Variants in NOMO3 observed in about 807,000 individuals in gnomAD.
The protein encoded by NOMO3 is BOS complex subunit NOMO3.
NOMO3 carries 15 observed loss-of-function variants against 69.9 expected under a neutral mutation model. That is an observed-to-expected ratio of 0.21 (90% CI 0.14 to 0.33). NOMO3 has a LOEUF of 0.33. NOMO3 is among the 10% of genes least tolerant of loss of function. The probability of loss-of-function intolerance (pLI) is 1.00; values close to 1 mark genes in which losing one functional copy is unlikely to be tolerated. For missense variants in NOMO3, 218 were observed against 761.0 expected, an observed-to-expected ratio of 0.29 and a Z score of 8.39; for synonymous variants, 89 against 301.9, an observed-to-expected ratio of 0.29 and a Z score of 7.31.
chr16:16,255,684 G>C lies in NOMO3; in HGVS notation c.964-36G>C, dbSNP rs780433330. Reference sequence around the variant, plus strand: ...GAGGCTTTGTGGCTCTGGCACAGGAGCACCTTCGAGCACCTTCTTGTTCTT... The same window carrying C: ...GAGGCTTTGTGGCTCTGGCACAGGACCACCTTCGAGCACCTTCTTGTTCTT... On this transcript the variant is annotated intron_variant, in intron 9 of 30. Coordinates refer to ENST00000399336, the MANE Select transcript of NOMO3 (RefSeq NM_001004067.4). 2.5e-5 allele frequency: 40 copies of C among 1,592,204 alleles called. 2 individuals are homozygous for C. Among genetic ancestry groups the C allele is most frequent in the Non-Finnish European group, 3.1e-5 (37 of 1,177,506 alleles).
intron 3 of NOMO3, among the ~76,000 whole-genome samples, chr16:16,241,431 T>C (rs1279371753): frequency 7.1e-6 from 1 of 141,440 alleles, no homozygotes; most frequent in Non-Finnish European, 1.5e-5. Flanking sequence ...TTTTTTCTTT[T>C]TTTTGAGACT....
At chr16:16,254,476 GA>G (rs1300531168) in intron 9 of NOMO3, among the ~76,000 whole-genome samples, 4 of 135,872 alleles carry the variant, frequency 2.9e-5, no homozygotes, top group South Asian at 2.3e-4. Context: ...ACCATTTGCT[GA>G]AAAAAAAAAT....
chr16:16,236,892 C>A lies in NOMO3; in HGVS notation c.166-9C>A. The stretch of plus-strand genomic sequence containing the variant: ...GTTATGATTTCTGTTTTCCTTCCTT[C>A]CTTTCCAGATAAAGCTGTACACCAA... On this transcript the variant is annotated splice_polypyrimidine_tract_variant and intron_variant, in intron 1 of 30. Transcript: ENST00000399336. 1 of 1,480,268 alleles carries A rather than the reference C, an allele frequency of 6.8e-7. No individual in the cohort carries two copies. The highest frequency in any genetic ancestry group is 1.7e-5 in the African/African-American group (1 of 59,870). The allele number at this position is 1,480,268 out of a possible 1,614,324, so 91.7% of individuals were successfully genotyped here.
chr16:16,263,550 G>A lies in NOMO3; in HGVS notation c.1575G>A (p.Leu525=), dbSNP rs1297980289. 8.9e-7 allele frequency: 1 copy of A among 1,122,460 alleles called. No individual in the cohort carries two copies. The highest frequency in any genetic ancestry group is 1.2e-6 in the Non-Finnish European group (1 of 829,994). The allele number at this position is 1,122,460 out of a possible 1,614,324, so 69.5% of individuals were successfully genotyped here. The change falls in exon 14 of 31, where the codon CTG becomes CTA. Residue 525 remains leucine (L), a synonymous_variant. Coordinates refer to ENST00000399336, the MANE Select transcript of NOMO3 (RefSeq NM_001004067.4). The part of the protein sequence containing the change: ...CGDLLVTLQS[L]SRQGEKRSLQ... Reference sequence around the variant, plus strand: ...ACTTGCTGGTGACTCTACAGTCCCTGAGCCGCCAGGGTGAGAAGCGGAGCC... The same window carrying A: ...ACTTGCTGGTGACTCTACAGTCCCTAAGCCGCCAGGGTGAGAAGCGGAGCC...
Position 16,252,085 on chromosome 16 carries a change from T to C in NOMO3, c.858T>C (p.Ser286=). Residue 286 remains serine, a synonymous_variant, in exon 8 of 31, where the codon AGT becomes AGC. Transcript: ENST00000399336. ...CGTTCTCTTTCTATTCCTTGCCAAG[T>C]GGGGGCTACACTGTGGTGAGTGAAG... ...DGSFSFYSLP[S]GGYTVIPFYR... is the part of the protein sequence containing the mutation. 6.9e-7 allele frequency: 1 copy of C among 1,447,948 alleles called. No individual in the cohort carries two copies. The highest frequency in any genetic ancestry group is 9.3e-7 in the Non-Finnish European group (1 of 1,076,480). 89.7% of individuals were successfully genotyped at this position (1,447,948 alleles called of 1,614,324 possible).
At position 16,232,573 on chromosome 16, in the gene NOMO3, C is replaced by G. The variant is rs963084407; in HGVS notation, c.-94C>G. On this transcript the variant is annotated 5_prime_UTR_variant, in exon 1 of 31. Transcript: ENST00000399336. Reference sequence around the variant, plus strand: ...GGCGGTGGGGCGGGGCCTGGGCTGTCAGCCGGCCTAGGAGGAGGAAGGAGC... The same window carrying G: ...GGCGGTGGGGCGGGGCCTGGGCTGTGAGCCGGCCTAGGAGGAGGAAGGAGC... 6.7e-5 allele frequency: 76 copies of G among 1,132,040 alleles called. No homozygotes were observed. In the African/African-American group the frequency reaches 1.2e-3, roughly 18 times the overall value. 70.1% of individuals were successfully genotyped at this position (1,132,040 alleles called of 1,614,324 possible).
intron 1 of NOMO3, among the ~76,000 whole-genome samples, chr16:16,234,575 A>G (rs1001163702): frequency 4.3e-5 from 6 of 140,576 alleles, no homozygotes; most frequent in Admixed American, 4.2e-4. Flanking sequence ...CAATCATGAT[A>G]TTTCACGGTT....
At chr16:16,266,388 T>C (rs2049619430) in intron 15 of NOMO3, among the ~76,000 whole-genome samples, 1 of 91,530 alleles carries the variant, frequency 1.1e-5, no homozygotes. Context: ...AATAAGATCC[T>C]TTTTTTTTTT....
intron 16 of NOMO3, among the ~76,000 whole-genome samples, chr16:16,268,446 G>A (rs144089129): frequency 0.032 from 4,506 of 142,926 alleles, 244 homozygotes; most frequent in African/African-American, 0.052. Context: ...ATGTGAAGTC[G>A]TGTCTCATTG....
At chr16:16,236,236 A>G (rs1414679156) in intron 1 of NOMO3, among the ~76,000 whole-genome samples, 1 of 145,146 alleles carries the variant, frequency 6.9e-6, no homozygotes, top group East Asian at 2.3e-4. Flanking sequence ...TTTGCAATTT[A>G]TTTTACTTTA....
At chr16:16,264,713 A>C (rs528300706) in intron 14 of NOMO3, among the ~76,000 whole-genome samples, 1,731 of 138,908 alleles carry the variant, frequency 0.012, 11 homozygotes, top group Non-Finnish European at 0.018. Flanking sequence ...ATGCCTGGAT[A>C]ACTTTTGTAT....
chr16:16,244,379 GTC>G (rs1466274955), intron 4 of NOMO3, among the ~76,000 whole-genome samples: 1 of 124,194 alleles, frequency 8.1e-6, no homozygotes, highest in African/African-American at 3.7e-5. Flanking sequence ...CAGTAGCGCA[GTC>G]TCTCTCACCA....
intron 6 of NOMO3, among the ~76,000 whole-genome samples, chr16:16,249,729 T>A (rs2049447190): frequency 6.9e-6 from 1 of 143,922 alleles, no homozygotes; most frequent in South Asian, 2.3e-4. Flanking sequence ...AAGTAAAGCA[T>A]GTTGTTAGAA....
At position 16,258,060 on chromosome 16, in the gene NOMO3, C is replaced by T. The variant is rs2049530427; in HGVS notation, c.1220+1902C>T. Among the ~76,000 whole-genome samples the T allele has an allele frequency of 1.4e-5, 2 of 141,818 alleles. 1 individual carries two copies. The highest frequency in any genetic ancestry group is 1.4e-4 in the Admixed American group (2 of 14,588). 93.0% of individuals were successfully genotyped at this position (141,818 alleles called of 152,430 possible). On this transcript the variant is annotated intron_variant, in intron 11 of 30. Coordinates refer to ENST00000399336, the MANE Select transcript of NOMO3 (RefSeq NM_001004067.4). ...GGCTTAATGCCTCACACCTGTAATCCATCCCAGCACTTTGGGAGGCAGAGG... is the reference window on the plus strand; with the variant it reads ...GGCTTAATGCCTCACACCTGTAATCTATCCCAGCACTTTGGGAGGCAGAGG...
rs1234341875 is a variant in NOMO3, at chr16:16,232,693, G to T, written c.27G>T (p.Pro9=). 4.7e-6 allele frequency: 4 copies of T among 842,618 alleles called. No homozygotes were observed. The highest frequency in any genetic ancestry group is 3.8e-5 in the East Asian group (1 of 26,648). The allele number at this position is 842,618 out of a possible 1,614,324, so 52.2% of individuals were successfully genotyped here. A position where few individuals can be genotyped will look rare whatever the true frequency, so the allele number is the denominator to read the frequency against. MLVGQGAG[P]LGPAVVTAAV... is the part of the protein sequence containing the mutation. ...TGCTGGTGGGCCAGGGCGCGGGGCC[G>T]CTGGGGCCCGCGGTGGTCACCGCCG... Residue 9 remains proline, a synonymous_variant, in exon 1 of 31, where the codon CCG becomes CCT. Transcript: ENST00000399336.
At chr16:16,244,511 CTTTTTTT>C (rs1203597061) in intron 4 of NOMO3, among the ~76,000 whole-genome samples, 10 of 52,482 alleles carry the variant, frequency 1.9e-4, no homozygotes, top group Non-Finnish European at 2.8e-4. Flanking sequence ...TGTACATTTA[CTTTTTTT>C]TTTTTTTTTT....
chr16:16,257,608 A>C (rs1334118413), intron 11 of NOMO3, among the ~76,000 whole-genome samples: 1 of 141,374 alleles, frequency 7.1e-6, no homozygotes, highest in Non-Finnish European at 1.5e-5. Flanking sequence ...AATTAGAAGA[A>C]CAGTAGGCCA....
intron 1 of NOMO3, among the ~76,000 whole-genome samples, chr16:16,234,169 G>A (rs898700730): frequency 2.6e-5 from 4 of 152,000 alleles, no homozygotes; most frequent in African/African-American, 9.7e-5. Flanking sequence ...GTTTCTGGGT[G>A]CCCATGCCAC....
intron 6 of NOMO3, among the ~76,000 whole-genome samples, chr16:16,250,354 G>T: frequency 8.9e-6 from 1 of 111,846 alleles, no homozygotes; most frequent in African/African-American, 4.3e-5. Flanking sequence ...AAAAAAATTG[G>T]AACATATAGA....
Sources: gnomAD v4.1 joint callset for allele counts (sites outside exome capture counted in the v4.1 genomes callset) on GRCh38, gnomAD v4.1.1 for gene constraint, MANE v1.5 for transcripts, NCBI Gene and HGNC (gene_info 2026-07-23, HGNC 2026-07-21) for gene names.